TOX: variants seen among roughly 807,000 people sequenced by gnomAD.
TOX encodes the protein thymocyte selection-associated high mobility group box protein TOX.
Under a neutral mutation model 53.7 loss-of-function variants are expected in TOX, and 11 were observed. The observed-to-expected ratio is 0.20, with a 90% CI of 0.13 to 0.34. TOX has a LOEUF of 0.34. Among genes scored for constraint, TOX ranks in the 10% least tolerant of loss-of-function variants. The pLI, the probability that TOX is intolerant of heterozygous loss-of-function variation, is 1.00. For missense variants in TOX, 570 were observed against 664.6 expected (o/e 0.86, Z 1.56); for synonymous variants, 225 against 245.3 (o/e 0.92, Z 0.77).
chr8:59,040,473 T>A (rs1803560223), intron 1 of TOX, among the ~76,000 whole-genome samples: 1 of 152,116 alleles, frequency 6.6e-6, no homozygotes, highest in Non-Finnish European at 1.5e-5. Context: ...CTGCCAATCA[T>A]GGGCATTTTG....
In TOX at chr8:58,920,746, GAAGA is replaced by G. The variant is rs1812056957; in HGVS notation, c.411+18552_411+18555del. Among the ~76,000 whole-genome samples, 3 of 43,214 alleles carry G rather than the reference GAAGA, an allele frequency of 6.9e-5. No homozygotes were observed. In the South Asian group the frequency reaches 3.0e-3, roughly 43 times the overall value. The allele number at this position is 43,214 out of a possible 152,430, so 28.4% of individuals were successfully genotyped here. A position where few individuals can be genotyped will look rare whatever the true frequency, so the allele number is the denominator to read the frequency against. On this transcript the variant is annotated intron_variant, in intron 3 of 8. Coordinates refer to ENST00000361421, the MANE Select transcript of TOX (RefSeq NM_014729.3). ...TAAAAAAAAAAAAAAAGAAAAAAAA[GAAGA>G]AAAAAAAAAAAGAATCTCTGATCTA... is the stretch of plus-strand genomic sequence containing the variant.
intron 1 of TOX, among the ~76,000 whole-genome samples, chr8:59,080,377 A>G (rs1219404214): frequency 6.6e-6 from 1 of 151,792 alleles, no homozygotes; most frequent in Non-Finnish European, 1.5e-5. Flanking sequence ...ACCTTGTTCT[A>G]TATTTTACAG....
chr8:58,987,471 T>A (rs564821401), intron 1 of TOX, among the ~76,000 whole-genome samples: 1 of 152,306 alleles, frequency 6.6e-6, no homozygotes, highest in South Asian at 2.1e-4. Flanking sequence ...TCGTTTGTAA[T>A]ATAGATGGCA....
chr8:59,114,743 T>C (rs563134252), intron 1 of TOX, among the ~76,000 whole-genome samples: 1 of 152,300 alleles, frequency 6.6e-6, no homozygotes, highest in Non-Finnish European at 1.5e-5. Context: ...TTCCTTTTTC[T>C]TACATTTACT....
chr8:58,829,330 G>A (rs1279552036), intron 5 of TOX, among the ~76,000 whole-genome samples: 1 of 152,122 alleles, frequency 6.6e-6, no homozygotes, highest in African/African-American at 2.4e-5. Context: ...ATGTTGTTAC[G>A]GGATACCTGA....
intron 3 of TOX, among the ~76,000 whole-genome samples, chr8:58,923,728 T>C (rs1321887827): frequency 6.6e-6 from 1 of 152,194 alleles, no homozygotes; most frequent in East Asian, 1.9e-4. Flanking sequence ...TCCATATTAA[T>C]TTTTGTACTC....
rs775152284 is a variant in TOX, at chr8:58,960,027, T to C, written c.103-19A>G. 1 of 1,613,704 alleles carries C rather than the reference T, an allele frequency of 6.2e-7. No homozygotes were observed. Among genetic ancestry groups the C allele is most frequent in the Non-Finnish European group, 8.5e-7 (1 of 1,179,638 alleles). ...CGTCAAACTGCGAATGAAATAATAG[T>C]AAACATTCAGCAATCTTGACTGCGG... On this transcript the variant is annotated intron_variant, in intron 1 of 8. Transcript: ENST00000361421.
intron 1 of TOX, among the ~76,000 whole-genome samples, chr8:58,994,213 T>A (rs1280790853): frequency 6.6e-6 from 1 of 152,130 alleles, no homozygotes; most frequent in Non-Finnish European, 1.5e-5. Context: ...GGTGTAGCAA[T>A]GACAGAGAGG....
intron 1 of TOX, 54 bp from the exon 2 acceptor site, chr8:58,960,062 G>A (rs866845000): frequency 6.3e-6 from 10 of 1,581,038 alleles, no homozygotes; most frequent in Non-Finnish European, 8.7e-6. Context: ...GGTATGTTTG[G>A]TTTTTATTTG....
chr8:59,092,263 TTTTA>T (rs749146874), intron 1 of TOX, among the ~76,000 whole-genome samples: 6,571 of 46,400 alleles, frequency 0.14, 598 homozygotes, highest in East Asian at 0.28. Flanking sequence ...TATATATATA[TTTTA>T]TATATATATA....
chr8:59,089,718 C>T (rs897110771), intron 1 of TOX, among the ~76,000 whole-genome samples: 3 of 152,186 alleles, frequency 2.0e-5, no homozygotes, highest in East Asian at 1.9e-4. Flanking sequence ...CCTCCCCAGT[C>T]GCTGGGATCA....
At chr8:58,897,376 G>C (rs1286381285) in intron 3 of TOX, among the ~76,000 whole-genome samples, 2 of 152,148 alleles carry the variant, frequency 1.3e-5, no homozygotes, top group African/African-American at 4.8e-5. Context: ...TAACGTGTCA[G>C]AAAATCAGAA....
At chr8:58,899,090 C>T (rs191184386) in intron 3 of TOX, among the ~76,000 whole-genome samples, 1 of 152,200 alleles carries the variant, frequency 6.6e-6, no homozygotes, top group Non-Finnish European at 1.5e-5. Flanking sequence ...AGCTCCTAGG[C>T]CTACTTATAG....
At chr8:59,021,560 C>T (rs1814137086) in intron 1 of TOX, among the ~76,000 whole-genome samples, 1 of 145,524 alleles carries the variant, frequency 6.9e-6, no homozygotes, top group African/African-American at 2.5e-5. Context: ...AAATCTGACA[C>T]TGTTTCTTAA....
intron 1 of TOX, among the ~76,000 whole-genome samples, chr8:58,975,353 G>A (rs569576238): frequency 9.7e-4 from 147 of 152,154 alleles, no homozygotes; most frequent in Non-Finnish European, 1.6e-3. Flanking sequence ...ACAAAGGGGA[G>A]TCTATGACCA....
intron 3 of TOX, among the ~76,000 whole-genome samples, chr8:58,878,205 GAA>G (rs3083365): frequency 0.22 from 30,689 of 141,118 alleles, 3,465 homozygotes; most frequent in African/African-American, 0.3. Flanking sequence ...GTGGTATTTG[GAA>G]AAAAAAAAAA....
intron 1 of TOX, among the ~76,000 whole-genome samples, chr8:59,080,821 C>A (rs1429486093): frequency 1.3e-5 from 2 of 152,152 alleles, no homozygotes; most frequent in Non-Finnish European, 2.9e-5. Context: ...AGGTCCCTAC[C>A]AGGCTTCCTG....
chr8:59,051,864 A>T (rs1354941772), intron 1 of TOX, among the ~76,000 whole-genome samples: 2 of 152,144 alleles, frequency 1.3e-5, no homozygotes, highest in African/African-American at 4.8e-5. Flanking sequence ...AAAAAATTAA[A>T]TGGAGAAGTT....
At chr8:59,056,612 T>C (rs561665786) in intron 1 of TOX, among the ~76,000 whole-genome samples, 6 of 152,270 alleles carry the variant, frequency 3.9e-5, no homozygotes, top group African/African-American at 1.4e-4. Context: ...AATCTGAGCT[T>C]ATGGAAACCC....
Sources: allele counts gnomAD v4.1 joint callset (sites outside exome capture counted in the v4.1 genomes callset), GRCh38; gene constraint gnomAD v4.1.1; transcripts MANE v1.5; gene names NCBI Gene and HGNC (gene_info 2026-07-23, HGNC 2026-07-21).